PTK2: variants seen among roughly 807,000 people sequenced by gnomAD.
PTK2 encodes the protein protein tyrosine kinase 2.
A neutral mutation model predicts 150.1 loss-of-function variants in PTK2; 45 were observed. The ratio of observed to expected loss-of-function variants is 0.30; its 90% CI spans 0.24 to 0.38. The LOEUF (loss-of-function observed/expected upper bound fraction) is 0.38, where lower values mean the gene tolerates loss of function less well. Ranked by LOEUF, PTK2 falls within the 10% of genes least tolerant of loss-of-function variation. The pLI is 1.00. For missense variants in PTK2, 919 were observed against 1,307.3 expected, an observed-to-expected ratio of 0.70 and a Z score of 4.58; for synonymous variants, 432 against 449.2, an observed-to-expected ratio of 0.96 and a Z score of 0.48.
intron 8 of PTK2, among the ~76,000 whole-genome samples, chr8:140,827,481 G>A (rs147248310): frequency 2.3e-4 from 35 of 152,252 alleles, no homozygotes; most frequent in African/African-American, 7.9e-4. Context: ...AAGCCTAAAC[G>A]ATAGCCTGGA....
intron 24 of PTK2, among the ~76,000 whole-genome samples, chr8:140,705,125 A>G (rs1392009416): frequency 1.3e-5 from 2 of 152,204 alleles, no homozygotes; most frequent in Admixed American, 6.5e-5. Context: ...GGCTAGATAA[A>G]GAGGCTAAAA....
chr8:140,956,726 C>T (rs1747352344), intron 1 of PTK2, among the ~76,000 whole-genome samples: 1 of 152,020 alleles, frequency 6.6e-6, no homozygotes, highest in African/African-American at 2.4e-5. Flanking sequence ...GTGGGTCTAC[C>T]CTAATGTGTG....
chr8:140,907,806 G>C (rs2100161587), intron 2 of PTK2, among the ~76,000 whole-genome samples: 1 of 152,144 alleles, frequency 6.6e-6, no homozygotes, highest in South Asian at 2.1e-4. Flanking sequence ...AGCGAGCTTA[G>C]TTGATACGTG....
At chr8:140,970,386 T>C (rs1348671175) in intron 1 of PTK2, among the ~76,000 whole-genome samples, 2 of 152,264 alleles carry the variant, frequency 1.3e-5, no homozygotes, top group South Asian at 2.1e-4. Context: ...AAGAGACATT[T>C]CAAAGCTCAG....
At chr8:140,688,222 C>A (rs146164525) in intron 26 of PTK2, among the ~76,000 whole-genome samples, 3 of 152,220 alleles carry the variant, frequency 2.0e-5, no homozygotes, top group Middle Eastern at 3.4e-3. Flanking sequence ...TCTGTTCATT[C>A]AACAGAATTA....
intron 1 of PTK2, among the ~76,000 whole-genome samples, chr8:140,962,886 C>A (rs1352869606): frequency 2.0e-5 from 3 of 151,654 alleles, no homozygotes; most frequent in Non-Finnish European, 2.9e-5. Context: ...CCCCCCCCAA[C>A]CCAACCTACC....
chr8:140,757,416 A>C (rs1594183015), intron 16 of PTK2, among the ~76,000 whole-genome samples: 1 of 152,222 alleles, frequency 6.6e-6, no homozygotes, highest in East Asian at 1.9e-4. Context: ...AAAAAACAGC[A>C]AAAAATATAC....
chr8:140,659,375 G>C, exon 32 of PTK2: 1 of 1,168,104 alleles, frequency 8.6e-7, no homozygotes, highest in Non-Finnish European at 1.2e-6. Context: ...AAGTGCTGGC[G>C]ACTGAGGACA....
intron 14 of PTK2, among the ~76,000 whole-genome samples, chr8:140,766,344 G>A (rs2100072270): frequency 6.6e-6 from 1 of 152,166 alleles, no homozygotes; most frequent in South Asian, 2.1e-4. Flanking sequence ...ACCTCCAACT[G>A]AGGGCTTTAC....
At chr8:140,940,260 C>A (rs1290084194) in intron 1 of PTK2, among the ~76,000 whole-genome samples, 1 of 152,064 alleles carries the variant, frequency 6.6e-6, no homozygotes, top group Non-Finnish European at 1.5e-5. Context: ...GAGGCCGAGG[C>A]GGGTGGATCA....
At chr8:140,750,295 AC>A (rs1323393887) in intron 17 of PTK2, 1 of 152,250 alleles carries the variant, frequency 6.6e-6, no homozygotes, top group African/African-American at 2.4e-5. Context: ...AATGAAGGAC[AC>A]CAGAATGACA....
At chr8:140,962,828 A>T (rs2100183826) in intron 1 of PTK2, among the ~76,000 whole-genome samples, 1 of 147,022 alleles carries the variant, frequency 6.8e-6, no homozygotes, top group South Asian at 2.1e-4. Flanking sequence ...CATTAGTGAC[A>T]CTCCTCACTC....
chr8:140,735,166 A>G (rs2100051854), intron 22 of PTK2, 85 bp downstream of exon 25: 1 of 1,298,486 alleles, frequency 7.7e-7, no homozygotes, highest in Non-Finnish European at 1.1e-6. Context: ...TACTGATATA[A>G]TGACCTTAAA....
chr8:140,668,180 G>A (rs536831766), intron 30 of PTK2, 89 bp downstream of exon 34: 22 of 1,467,538 alleles, frequency 1.5e-5, no homozygotes, highest in Admixed American at 1.1e-4. Flanking sequence ...TTGGTGGGGC[G>A]GGGGGACCTA....
intron 4 of PTK2, among the ~76,000 whole-genome samples, chr8:140,875,430 T>A (rs192260729): frequency 7.9e-5 from 12 of 152,238 alleles, no homozygotes; most frequent in Admixed American, 6.5e-4. Flanking sequence ...AAGAATTTAA[T>A]GGAAGGAAAA....
chr8:140,812,285 T>C (rs1210636922), intron 10 of PTK2, among the ~76,000 whole-genome samples: 1 of 152,212 alleles, frequency 6.6e-6, no homozygotes, highest in Non-Finnish European at 1.5e-5. Context: ...TGAAATTTTA[T>C]AATTCCAGCC....
chr8:140,660,707 CAG>C (rs1011808666), intron 31 of PTK2: 38 of 439,386 alleles, frequency 8.6e-5, no homozygotes, highest in Non-Finnish European at 1.5e-4. Context: ...GCCTGGGTGA[CAG>C]AGCCAGACCA....
At chr8:140,671,551 T>C (rs2095412384) in intron 29 of PTK2, among the ~76,000 whole-genome samples, 1 of 152,078 alleles carries the variant, frequency 6.6e-6, no homozygotes, top group African/African-American at 2.4e-5. Context: ...ACTGTTCTTT[T>C]AGGATGGATT....
intron 4 of PTK2, among the ~76,000 whole-genome samples, chr8:140,867,403 T>A (rs890913142): frequency 6.6e-6 from 1 of 152,186 alleles, no homozygotes; most frequent in Non-Finnish European, 1.5e-5. Context: ...GAGGTAGGCA[T>A]GGGATTCCTC....
Sources: gnomAD v4.1 joint callset for allele counts (sites outside exome capture counted in the v4.1 genomes callset) on GRCh38, gnomAD v4.1.1 for gene constraint, MANE v1.5 for transcripts, NCBI Gene and HGNC (gene_info 2026-07-23, HGNC 2026-07-21) for gene names.